Variants in KSR2 observed in about 807,000 individuals in gnomAD.
KSR2 encodes the protein kinase suppressor of ras 2.
Under a neutral mutation model 107.8 loss-of-function variants are expected in KSR2, and 25 were observed. That is an observed-to-expected ratio of 0.23 (90% confidence interval 0.17 to 0.32). The LOEUF (loss-of-function observed/expected upper bound fraction) is 0.32. KSR2 is among the 10% of genes least tolerant of loss of function. The pLI, the probability that KSR2 is intolerant of heterozygous loss-of-function variation, is 1.00. For missense variants in KSR2, 887 were observed against 1,268.9 expected, an observed-to-expected ratio of 0.70 and a Z score of 4.57; for synonymous variants, 480 against 507.0, an observed-to-expected ratio of 0.95 and a Z score of 0.71.
At chr12:117,581,747 C>T (rs2136241984) in intron 6 of KSR2, among the ~76,000 whole-genome samples, 2 of 152,318 alleles carry the variant, frequency 1.3e-5, no homozygotes, top group Middle Eastern at 6.8e-3. Flanking sequence ...CTCATGCACC[C>T]AGCAGGGCTA....
At chr12:117,827,550 A>G (rs1215042128) in intron 3 of KSR2, among the ~76,000 whole-genome samples, 1 of 152,368 alleles carries the variant, frequency 6.6e-6, no homozygotes, top group Admixed American at 6.5e-5. Context: ...AATAAATTAG[A>G]CAACCCATGC....
Position 117,469,773 on chromosome 12 carries a change from G to A in KSR2, c.2735C>T (p.Ala912Val). Residue 912 changes from alanine to valine, a missense_variant, in exon 19 of 20, where the codon GCC (alanine) becomes GTC (valine). This residue lies in a region of KSR2 where 308 missense variants were observed against 506.2 expected (regional missense o/e 0.61). Transcript: ENST00000339824. The part of the protein sequence containing the change: ...EISDILLFCW[A>V]FEQEERPTFT... Reference sequence around the variant, plus strand: ...GGTAGGTCTCTCTTCTTGTTCAAAGGCCCAGCAGAAGAGAAGAATGTCCTA... The same window carrying A: ...GGTAGGTCTCTCTTCTTGTTCAAAGACCCAGCAGAAGAGAAGAATGTCCTA... 1 of 1,613,888 alleles carries A rather than the reference G, an allele frequency of 6.2e-7. No homozygotes were observed. Among genetic ancestry groups the A allele is most frequent in the Non-Finnish European group, 8.5e-7 (1 of 1,179,874 alleles).
chr12:117,640,695 C>T (rs1055939889), intron 5 of KSR2, among the ~76,000 whole-genome samples: 2 of 152,206 alleles, frequency 1.3e-5, no homozygotes, highest in East Asian at 1.9e-4. Flanking sequence ...CCCCTTCCTC[C>T]TCCCTGGGCC....
chr12:117,770,350 G>C (rs1046152738), intron 3 of KSR2, among the ~76,000 whole-genome samples: 41 of 152,074 alleles, frequency 2.7e-4, no homozygotes, highest in African/African-American at 8.9e-4. Context: ...GCAAACCAAG[G>C]AGCACCAAGG....
intron 1 of KSR2, among the ~76,000 whole-genome samples, chr12:117,862,726 C>CG (rs1054429970): frequency 7.0e-6 from 1 of 142,066 alleles, no homozygotes; most frequent in African/African-American, 2.7e-5. Flanking sequence ...TCCATTCCCC[C>CG]CCTTTTTTTT....
intron 4 of KSR2, among the ~76,000 whole-genome samples, chr12:117,721,875 G>A (rs1431268821): frequency 5.3e-5 from 8 of 152,132 alleles, no homozygotes; most frequent in African/African-American, 1.9e-4. Flanking sequence ...CCGTAAGATG[G>A]GGGATCTATT....
rs563602485 is a variant in KSR2 at position 117,777,216 on chromosome 12, C to T, written c.473-15692G>A. Among the ~76,000 whole-genome samples, 9 of 147,344 alleles carry T rather than the reference C, an allele frequency of 6.1e-5. No individual in the cohort carries two copies. In the South Asian group the frequency reaches 1.9e-3, roughly 32 times the overall value. ...ATAGTTGATTCATTAACATTGAGCTCACAGCCCACAGCACTGTCACTCAAA... is the reference window on the plus strand; with the variant it reads ...ATAGTTGATTCATTAACATTGAGCTTACAGCCCACAGCACTGTCACTCAAA... On this transcript the variant is annotated intron_variant, in intron 3 of 19. Transcript: ENST00000339824.
At chr12:117,613,965 G>C (rs905160831) in intron 5 of KSR2, among the ~76,000 whole-genome samples, 9 of 152,138 alleles carry the variant, frequency 5.9e-5, no homozygotes, top group African/African-American at 2.2e-4. Context: ...CAAGCAATTA[G>C]CATGATGTTC....
intron 4 of KSR2, among the ~76,000 whole-genome samples, chr12:117,742,078 C>G (rs1888238318): frequency 6.6e-6 from 1 of 152,170 alleles, no homozygotes; most frequent in Admixed American, 6.5e-5. Context: ...GAGAACACCA[C>G]TTCGCTTCTA....
At chr12:117,698,055 C>T (rs1593143147) in intron 4 of KSR2, among the ~76,000 whole-genome samples, 2 of 152,052 alleles carry the variant, frequency 1.3e-5, no homozygotes, top group South Asian at 2.1e-4. Context: ...CGAAGACTGC[C>T]GGCACATCAC....
chr12:117,615,590 A>G (rs1363348880), intron 5 of KSR2, among the ~76,000 whole-genome samples: 5 of 152,192 alleles, frequency 3.3e-5, no homozygotes, highest in Non-Finnish European at 7.4e-5. Context: ...AAGGAGACCA[A>G]TAGAAAGATT....
chr12:117,870,969 A>C (rs1893632990), intron 1 of KSR2, among the ~76,000 whole-genome samples: 1 of 152,234 alleles, frequency 6.6e-6, no homozygotes, highest in African/African-American at 2.4e-5. Context: ...GCAGAGATCG[A>C]GCAGTGCTTC....
chr12:117,718,051 T>C (rs1887065771), intron 4 of KSR2, among the ~76,000 whole-genome samples: 1 of 152,192 alleles, frequency 6.6e-6, no homozygotes, highest in African/African-American at 2.4e-5. Context: ...ACTTTGCAGT[T>C]ACAAAAGCCA....
At chr12:117,583,567 C>T (rs1031840183) in intron 5 of KSR2, among the ~76,000 whole-genome samples, 1 of 152,064 alleles carries the variant, frequency 6.6e-6, no homozygotes, top group Admixed American at 6.5e-5. Flanking sequence ...AGATGAGATG[C>T]CTGTCCCCAT....
At chr12:117,469,405 C>A (rs1592901468) in intron 19 of KSR2, among the ~76,000 whole-genome samples, 1 of 152,248 alleles carries the variant, frequency 6.6e-6, no homozygotes, top group East Asian at 1.9e-4. Flanking sequence ...GGGCATCAAT[C>A]TTCATCAGGA....
chr12:117,603,877 C>A (rs553884373), intron 5 of KSR2, among the ~76,000 whole-genome samples: 1 of 152,202 alleles, frequency 6.6e-6, no homozygotes, highest in Non-Finnish European at 1.5e-5. Flanking sequence ...AGAAACCAGC[C>A]CTTTCAGACT....
chr12:117,844,505 G>T (rs1892626734), intron 3 of KSR2, among the ~76,000 whole-genome samples: 1 of 149,910 alleles, frequency 6.7e-6, no homozygotes, highest in Non-Finnish European at 1.5e-5. Context: ...TAACTCACAA[G>T]TTTTTTAAAA....
chr12:117,761,596 C>A (rs542597767), intron 3 of KSR2, 72 bp from the exon 4 acceptor site: 5 of 1,402,078 alleles, frequency 3.6e-6, no homozygotes, highest in Non-Finnish European at 5.0e-6. Context: ...CCATACACAC[C>A]ATTACATCAT....
intron 4 of KSR2, among the ~76,000 whole-genome samples, chr12:117,733,714 C>A (rs145755548): frequency 6.6e-6 from 1 of 152,272 alleles, no homozygotes; most frequent in African/African-American, 2.4e-5. Flanking sequence ...GTGCCCGAAT[C>A]TTACTTCCCC....
Sources: allele counts gnomAD v4.1 joint callset (sites outside exome capture counted in the v4.1 genomes callset), GRCh38; gene constraint gnomAD v4.1.1; regional missense constraint gnomAD v4.1.1; transcripts MANE v1.5; gene names NCBI Gene and HGNC (gene_info 2026-07-23, HGNC 2026-07-21).